CLSTN2: variants seen among roughly 807,000 people sequenced by gnomAD.
The protein encoded by CLSTN2 is calsyntenin 2.
CLSTN2 carries 48 observed loss-of-function variants against 101.2 expected under a neutral mutation model. That is an observed-to-expected ratio of 0.47 (90% confidence interval 0.38 to 0.60). The LOEUF (loss-of-function observed/expected upper bound fraction) is 0.60. CLSTN2 is among the 20% of genes least tolerant of loss of function. CLSTN2 has a pLI of 0.00. For missense variants in CLSTN2, 1,160 were observed against 1,238.2 expected, an observed-to-expected ratio of 0.94 and a Z score of 0.95; for synonymous variants, 481 against 463.6, an observed-to-expected ratio of 1.04 and a Z score of -0.48.
At chr3:140,521,907 G>A (rs745823550) in intron 8 of CLSTN2, among the ~76,000 whole-genome samples, 34 of 152,158 alleles carry the variant, frequency 2.2e-4, no homozygotes, top group African/African-American at 6.5e-4. Flanking sequence ...GATAGAGCCC[G>A]CCTCCTAGGG....
In CLSTN2 at chr3:140,334,351, G is replaced by A. The variant is rs6785270; in HGVS notation, c.233-69278G>A. The stretch of plus-strand genomic sequence containing the variant: ...CCCATGGCTGTGACCTGAGTAAATG[G>A]AGGACTTGTGGCAGCACTCAAGAAT... On this transcript the variant is annotated intron_variant, in intron 2 of 16. Coordinates refer to ENST00000458420, the MANE Select transcript of CLSTN2 (RefSeq NM_022131.3). 5.7e-3 allele frequency among the ~76,000 whole-genome samples: 872 copies of A among 152,304 alleles called. 16 individuals are homozygous for A. The highest frequency in any genetic ancestry group is 0.02 in the African/African-American group (824 of 41,558).
At chr3:140,205,597 G>A (rs1050144096) in intron 2 of CLSTN2, among the ~76,000 whole-genome samples, 3 of 138,018 alleles carry the variant, frequency 2.2e-5, no homozygotes. Flanking sequence ...ATTGGGTACA[G>A]TTGTTGTTTG....
At chr3:140,126,021 C>T (rs113825516) in intron 1 of CLSTN2, among the ~76,000 whole-genome samples, 3,400 of 151,760 alleles carry the variant, frequency 0.022, 86 homozygotes, top group African/African-American at 0.055. Context: ...TGAGAGGAGG[C>T]GATAGGAGGT....
At chr3:140,408,305 C>T (rs1468641900) in intron 4 of CLSTN2, among the ~76,000 whole-genome samples, 1 of 152,188 alleles carries the variant, frequency 6.6e-6, no homozygotes, top group Non-Finnish European at 1.5e-5. Flanking sequence ...TTCAATTTCA[C>T]CCCACCCCAT....
At chr3:140,371,527 G>A (rs1216215205) in intron 2 of CLSTN2, among the ~76,000 whole-genome samples, 1 of 152,128 alleles carries the variant, frequency 6.6e-6, no homozygotes, top group East Asian at 1.9e-4. Flanking sequence ...CAGCCCCTGA[G>A]GCCCTGCCCT....
At chr3:140,514,260 C>T (rs558065594) in intron 8 of CLSTN2, among the ~76,000 whole-genome samples, 18 of 152,050 alleles carry the variant, frequency 1.2e-4, no homozygotes, top group African/African-American at 4.3e-4. Flanking sequence ...TACACTGTGC[C>T]CAATATGTAC....
chr3:139,993,651 T>C (rs1443897387), intron 1 of CLSTN2, among the ~76,000 whole-genome samples: 1 of 152,194 alleles, frequency 6.6e-6, no homozygotes, highest in Non-Finnish European at 1.5e-5. Context: ...GCCTGTACTT[T>C]CTGGATGTTG....
chr3:140,454,994 A>G (rs949025857), intron 6 of CLSTN2, among the ~76,000 whole-genome samples: 1 of 152,204 alleles, frequency 6.6e-6, no homozygotes, highest in Non-Finnish European at 1.5e-5. Flanking sequence ...ATTCTACATC[A>G]CTGAACTCCT....
intron 2 of CLSTN2, among the ~76,000 whole-genome samples, chr3:140,401,746 A>T (rs1458179783): frequency 1.3e-5 from 2 of 152,226 alleles, no homozygotes; most frequent in Non-Finnish European, 2.9e-5. Flanking sequence ...ATATTGTCAT[A>T]TTGGCATTGA....
intron 4 of CLSTN2, among the ~76,000 whole-genome samples, chr3:140,412,870 T>C (rs188746090): frequency 6.6e-6 from 1 of 152,226 alleles, no homozygotes; most frequent in Admixed American, 6.5e-5. Context: ...GTCAAAACTT[T>C]TCGGATGTAG....
intron 5 of CLSTN2, among the ~76,000 whole-genome samples, chr3:140,421,657 G>A (rs991689853): frequency 3.9e-5 from 6 of 152,154 alleles, no homozygotes; most frequent in African/African-American, 1.2e-4. Flanking sequence ...CAACACCTGG[G>A]GAAAGTCGCC....
At chr3:140,559,560 A>AGGGGGGGGGGGGGG (rs1299690699) in intron 12 of CLSTN2, among the ~76,000 whole-genome samples, 1 of 135,574 alleles carries the variant, frequency 7.4e-6, no homozygotes, top group African/African-American at 2.8e-5. Flanking sequence ...GGCGGGGGTC[A>AGGGGGGGGGGGGGG]GGGGGGCGGG....
chr3:140,441,365 G>A (rs1162212683), intron 5 of CLSTN2, among the ~76,000 whole-genome samples: 1 of 152,184 alleles, frequency 6.6e-6, no homozygotes, highest in Non-Finnish European at 1.5e-5. Flanking sequence ...TTTGTGACAA[G>A]GAACCAAAAT....
At chr3:140,133,601 C>A (rs951585729) in intron 1 of CLSTN2, among the ~76,000 whole-genome samples, 3 of 152,172 alleles carry the variant, frequency 2.0e-5, no homozygotes, top group African/African-American at 7.2e-5. Flanking sequence ...TGAAGGTCAA[C>A]TCCTGAATAA....
intron 1 of CLSTN2, among the ~76,000 whole-genome samples, chr3:140,077,264 C>T (rs1376309368): frequency 1.3e-5 from 2 of 152,110 alleles, no homozygotes; most frequent in African/African-American, 4.8e-5. Flanking sequence ...CTCTTCTGTC[C>T]TAGTCATTCT....
At chr3:140,325,304 G>A (rs1452512427) in intron 2 of CLSTN2, among the ~76,000 whole-genome samples, 1 of 152,218 alleles carries the variant, frequency 6.6e-6, no homozygotes, top group Non-Finnish European at 1.5e-5. Context: ...CTTCCCAGCA[G>A]TGGGTTCCCA....
rs1181454931 is a variant in CLSTN2 at position 140,459,602 on chromosome 3, G to A, written c.1055G>A (p.Ser352Asn). The part of the protein sequence containing the change: ...NWTAGLLVDS[S>N]EMIFKFDGRQ... ...ACTGCAGGACTGCTGGTGGACAGCA[G>A]TGAGATGATCTTCAAGTTTGACGGC... Residue 352 changes from serine to asparagine, a missense_variant, in exon 7 of 17, where the codon AGT becomes AAT. Coordinates refer to ENST00000458420, the MANE Select transcript of CLSTN2 (RefSeq NM_022131.3). 11 of 1,614,086 alleles carry A rather than the reference G, an allele frequency of 6.8e-6. No homozygotes were observed. The highest frequency in any genetic ancestry group is 1.3e-5 in the African/African-American group (1 of 74,946).
At chr3:140,080,366 A>G (rs2008575399) in intron 1 of CLSTN2, among the ~76,000 whole-genome samples, 1 of 152,198 alleles carries the variant, frequency 6.6e-6, no homozygotes, top group African/African-American at 2.4e-5. Flanking sequence ...CCAGGACTTC[A>G]AAAGAAGTGA....
chr3:140,397,057 AAAAAT>A (rs2088190508), intron 2 of CLSTN2, among the ~76,000 whole-genome samples: 1 of 152,194 alleles, frequency 6.6e-6, no homozygotes, highest in South Asian at 2.1e-4. Context: ...CATTCACTTA[AAAAAT>A]AACAATAAAC....
Sources: gnomAD v4.1 joint callset for allele counts (sites outside exome capture counted in the v4.1 genomes callset) on GRCh38, gnomAD v4.1.1 for gene constraint, MANE v1.5 for transcripts, NCBI Gene and HGNC (gene_info 2026-07-23, HGNC 2026-07-21) for gene names.